EMCN: variants seen among roughly 807,000 people sequenced by gnomAD.
EMCN encodes the protein MUC-14.
A neutral mutation model predicts 38.4 loss-of-function variants in EMCN; 37 were observed. The observed-to-expected ratio is 0.96, with a 90% confidence interval of 0.74 to 1.27. EMCN has a LOEUF of 1.27. Among genes scored for constraint, EMCN ranks in the 50% most tolerant of loss-of-function variants. The pLI is 0.00. For missense variants in EMCN, 318 were observed against 302.8 expected, an observed-to-expected ratio of 1.05 and a Z score of -0.37; for synonymous variants, 95 against 100.8, an observed-to-expected ratio of 0.94 and a Z score of 0.35.
At chr4:100,414,886 C>A (rs1158881320) in intron 10 of EMCN, among the ~76,000 whole-genome samples, 1 of 151,896 alleles carries the variant, frequency 6.6e-6, no homozygotes, top group African/African-American at 2.4e-5. Context: ...AAATTAGACC[C>A]ACATGGTTTT....
intron 1 of EMCN, among the ~76,000 whole-genome samples, chr4:100,517,095 C>T (rs934542695): frequency 5.9e-5 from 9 of 152,024 alleles, no homozygotes; most frequent in Non-Finnish European, 1.2e-4. Flanking sequence ...AGTTTATTTT[C>T]AATCACTCAG....
At position 100,415,915 on chromosome 4, in the gene EMCN, G is replaced by A; in HGVS notation, c.734C>T (p.Thr245Ile). ...AAACTTACCAGACTCATGAGAAATT[G>A]TCTTAACGGTAAGAAGCTTCACGCT... Reference protein sequence around the residue: ...KESVKLLTVKTISHESGEHSA... With the variant: ...KESVKLLTVKIISHESGEHSA... Residue 245 changes from threonine to isoleucine, a missense_variant, in exon 10 of 12, where the codon ACA becomes ATA. Transcript: ENST00000296420. 2 of 1,585,828 alleles carry A rather than the reference G, an allele frequency of 1.3e-6. No homozygotes were observed. Among genetic ancestry groups the A allele is most frequent in the Non-Finnish European group, 8.6e-7 (1 of 1,169,088 alleles).
intron 5 of EMCN, among the ~76,000 whole-genome samples, chr4:100,441,769 T>C (rs976273810): frequency 1.3e-5 from 2 of 152,190 alleles, no homozygotes; most frequent in Non-Finnish European, 2.9e-5. Flanking sequence ...ACAAAAACTC[T>C]ATACATTTAC....
chr4:100,473,395 T>TTTTTTTTTTTTTTC (rs1263222229), intron 3 of EMCN, among the ~76,000 whole-genome samples: 1 of 143,962 alleles, frequency 6.9e-6, no homozygotes, highest in Non-Finnish European at 1.5e-5. Context: ...TGTTTTTTTT[T>TTTTTTTTTTTTTTC]TTGCTAATGA....
At chr4:100,484,538 C>T (rs1728891724) in intron 1 of EMCN, among the ~76,000 whole-genome samples, 1 of 152,076 alleles carries the variant, frequency 6.6e-6, no homozygotes, top group Non-Finnish European at 1.5e-5. Flanking sequence ...AGGTGTGCAC[C>T]ATGACTGGCT....
At chr4:100,423,637 C>T (rs1204184764) in intron 5 of EMCN, among the ~76,000 whole-genome samples, 2 of 152,088 alleles carry the variant, frequency 1.3e-5, no homozygotes, top group African/African-American at 4.8e-5. Flanking sequence ...TTCAGGAACT[C>T]GCCAAGAAAA....
intron 11 of EMCN, among the ~76,000 whole-genome samples, chr4:100,402,894 T>C (rs1332953462): frequency 6.6e-6 from 1 of 152,076 alleles, no homozygotes; most frequent in African/African-American, 2.4e-5. Flanking sequence ...TTTGAGCATT[T>C]TGGTAATTTA....
intron 1 of EMCN, among the ~76,000 whole-genome samples, chr4:100,509,120 C>A (rs1319026837): frequency 6.6e-6 from 1 of 152,178 alleles, no homozygotes; most frequent in African/African-American, 2.4e-5. Context: ...AAAAATAGGT[C>A]TTGGGAAACA....
Position 100,511,939 on chromosome 4 carries a change from T to A in EMCN, c.64+5912A>T, listed in dbSNP as rs571976282. ...TATTCAGTGACTCCATTCCCTCTTT[T>A]GTCAGGAGCTGTCTCATAGAATGCT... On this transcript the variant is annotated intron_variant, in intron 1 of 11. Coordinates refer to ENST00000296420, the MANE Select transcript of EMCN (RefSeq NM_016242.4). Among the ~76,000 whole-genome samples the A allele has an allele frequency of 3.9e-5, 6 of 152,316 alleles. No individual in the cohort carries two copies. The East Asian group carries it at 1.2e-3, about 29-fold the overall frequency.
chr4:100,495,147 A>C (rs1729178794), intron 1 of EMCN, among the ~76,000 whole-genome samples: 1 of 152,100 alleles, frequency 6.6e-6, no homozygotes, highest in Non-Finnish European at 1.5e-5. Flanking sequence ...TTTTGAGCAT[A>C]GAATAAGTCT....
At chr4:100,488,655 T>G (rs1729000274) in intron 1 of EMCN, among the ~76,000 whole-genome samples, 1 of 152,180 alleles carries the variant, frequency 6.6e-6, no homozygotes, top group Non-Finnish European at 1.5e-5. Context: ...ATGCCTATAA[T>G]TAGTGAAAAC....
chr4:100,458,879 T>C (rs1358361994), intron 4 of EMCN, among the ~76,000 whole-genome samples: 1 of 152,178 alleles, frequency 6.6e-6, no homozygotes, highest in African/African-American at 2.4e-5. Flanking sequence ...ACTTCCTTTA[T>C]CATGTTCTGT....
rs563788369 is a variant in EMCN, at chr4:100,405,474, G to T, written c.*39+4808C>A. 2.0e-5 allele frequency among the ~76,000 whole-genome samples: 3 copies of T among 152,136 alleles called. No individual in the cohort carries two copies. In the South Asian group the frequency reaches 6.2e-4, roughly 32 times the overall value. On this transcript the variant is annotated intron_variant, in intron 11 of 11. Transcript: ENST00000296420. ...CTTTTCTGACTGCACTTATTAAGAT[G>T]ATCATGCAATTTTTGTTTTGAGTTC...
In EMCN at chr4:100,465,478, T is replaced by A. The variant is rs1230449191; in HGVS notation, c.321A>T (p.Val107=). The A allele has an allele frequency of 2.9e-5, 46 of 1,609,336 alleles. No homozygotes were observed. Among genetic ancestry groups the A allele is most frequent in the African/African-American group, 4.0e-5 (3 of 74,836 alleles). Residue 107 remains valine, a synonymous_variant, in exon 4 of 12, where the codon GTA becomes GTT. Transcript: ENST00000296420. ...KNDSIISNVT[V]TSVTLPNAVS... is the part of the protein sequence containing the mutation. ...CAGCATTTGGAAGTGTAACACTTGT[T>A]ACTGTTACGTTTGAAATGATGGAGT...
intron 4 of EMCN, among the ~76,000 whole-genome samples, chr4:100,450,315 G>T (rs1033106976): frequency 1.3e-5 from 2 of 151,948 alleles, no homozygotes; most frequent in African/African-American, 4.8e-5. Context: ...AAATGTAAAT[G>T]AATTTTGAAA....
At chr4:100,487,804 G>A (rs1728979338) in intron 1 of EMCN, among the ~76,000 whole-genome samples, 1 of 152,152 alleles carries the variant, frequency 6.6e-6, no homozygotes, top group Admixed American at 6.5e-5. Flanking sequence ...GTGCAGAACG[G>A]TGAGTCCATT....
At chr4:100,482,514 G>C (rs1171304813) in intron 1 of EMCN, among the ~76,000 whole-genome samples, 1 of 152,128 alleles carries the variant, frequency 6.6e-6, no homozygotes, top group African/African-American at 2.4e-5. Context: ...TCCATGCAGG[G>C]AGAGGAAAGG....
chr4:100,487,630 T>TGTTTTCATG (rs1205466932), intron 1 of EMCN, among the ~76,000 whole-genome samples: 17 of 152,224 alleles, frequency 1.1e-4, no homozygotes, highest in African/African-American at 3.6e-4. Flanking sequence ...TTCCCCATGC[T>TGTTTTCATG]GTTTTCATGA....
At chr4:100,407,286 A>C (rs1242720122) in intron 11 of EMCN, among the ~76,000 whole-genome samples, 8 of 152,170 alleles carry the variant, frequency 5.3e-5, no homozygotes, top group African/African-American at 1.9e-4. Flanking sequence ...GGCGTTACGT[A>C]GACATGATTG....
Sources: allele counts gnomAD v4.1 joint callset (sites outside exome capture counted in the v4.1 genomes callset), GRCh38; gene constraint gnomAD v4.1.1; transcripts MANE v1.5; gene names NCBI Gene and HGNC (gene_info 2026-07-23, HGNC 2026-07-21).